The following RORA variants were observed in gnomAD, a reference collection of about 807,000 sequenced individuals.
The protein encoded by RORA is RAR related orphan receptor A.
RORA carries 7 observed loss-of-function variants against 69.5 expected under a neutral mutation model. The observed-to-expected ratio is 0.10, with a 90% CI of 0.06 to 0.19. The LOEUF is 0.19. Among genes scored for constraint, RORA ranks in the 10% least tolerant of loss-of-function variants. RORA has a pLI of 1.00. For synonymous variants in RORA, 261 were observed against 240.8 expected (o/e 1.08, Z -0.78); for missense variants, 457 against 663.0 (o/e 0.69, Z 3.41).
At chr15:61,013,328 A>C (rs1044901301) in intron 1 of RORA, among the ~76,000 whole-genome samples, 2 of 152,130 alleles carry the variant, frequency 1.3e-5, no homozygotes, top group Admixed American at 1.3e-4. Context: ...TTTGTTGCGG[A>C]GTTGTGACAG....
intron 1 of RORA, among the ~76,000 whole-genome samples, chr15:61,154,342 A>T (rs2079424236): frequency 2.0e-5 from 3 of 152,144 alleles, no homozygotes; most frequent in Admixed American, 2.0e-4. Flanking sequence ...CCATCAGCGA[A>T]CTGCTGGTAG....
At chr15:60,811,420 A>T (rs2072741320) in intron 1 of RORA, among the ~76,000 whole-genome samples, 1 of 152,182 alleles carries the variant, frequency 6.6e-6, no homozygotes, top group Non-Finnish European at 1.5e-5. Flanking sequence ...TCCAGCTCCC[A>T]AAATATTGTT....
At chr15:61,189,673 C>T (rs763685154) in intron 1 of RORA, among the ~76,000 whole-genome samples, 3 of 151,754 alleles carry the variant, frequency 2.0e-5, no homozygotes, top group South Asian at 2.1e-4. Flanking sequence ...CTGGCTAACA[C>T]GGTGAAACCC....
chr15:60,986,063 A>G (rs1894193304), intron 1 of RORA, among the ~76,000 whole-genome samples: 1 of 152,222 alleles, frequency 6.6e-6, no homozygotes, highest in African/African-American at 2.4e-5. Context: ...GTCCCACAGC[A>G]AGACATAAGT....
intron 2 of RORA, among the ~76,000 whole-genome samples, chr15:60,584,075 G>C (rs1005577891): frequency 8.5e-5 from 13 of 152,196 alleles, no homozygotes; most frequent in Non-Finnish European, 1.8e-4. Flanking sequence ...AGGACTGGAG[G>C]ACTCTGCGGT....
At chr15:60,805,865 A>G (rs2072653095) in intron 1 of RORA, among the ~76,000 whole-genome samples, 1 of 152,186 alleles carries the variant, frequency 6.6e-6, no homozygotes, top group Non-Finnish European at 1.5e-5. Context: ...TAGCTCTATA[A>G]TATGGTATCT....
intron 1 of RORA, among the ~76,000 whole-genome samples, chr15:60,784,229 G>A (rs1365298763): frequency 6.6e-6 from 1 of 152,176 alleles, no homozygotes; most frequent in African/African-American, 2.4e-5. Context: ...AAAAATAGAT[G>A]GAGTTATTTT....
chr15:60,823,021 TTTCC>T (rs947668699), intron 1 of RORA, among the ~76,000 whole-genome samples: 18 of 147,958 alleles, frequency 1.2e-4, no homozygotes, highest in Non-Finnish European at 1.9e-4. Flanking sequence ...TTCCCTCCCC[TTTCC>T]TTCCTTCCTT....
chr15:61,144,052 C>T (rs1424103433), intron 1 of RORA, among the ~76,000 whole-genome samples: 1 of 152,152 alleles, frequency 6.6e-6, no homozygotes, highest in Non-Finnish European at 1.5e-5. Flanking sequence ...AAACAGAATC[C>T]CTTCAAGTCT....
At chr15:61,042,380 T>TACACAC (rs141791344) in intron 1 of RORA, among the ~76,000 whole-genome samples, 1 of 151,288 alleles carries the variant, frequency 6.6e-6, no homozygotes, top group African/African-American at 2.4e-5. Context: ...AATGAATAAA[T>TACACAC]ACACACACAC....
chr15:61,133,638 G>A (rs548680433), intron 1 of RORA, among the ~76,000 whole-genome samples: 11 of 152,232 alleles, frequency 7.2e-5, no homozygotes, highest in East Asian at 1.9e-4. Context: ...TTGTTGGCTC[G>A]AATGGAGGTA....
chr15:60,816,788 T>G (rs1310493827), intron 1 of RORA, among the ~76,000 whole-genome samples: 2 of 151,986 alleles, frequency 1.3e-5, no homozygotes, highest in Non-Finnish European at 2.9e-5. Context: ...TCCAGCTATC[T>G]TCTTGCATTT....
At chr15:61,175,108 C>T (rs971332579) in intron 1 of RORA, among the ~76,000 whole-genome samples, 3 of 152,082 alleles carry the variant, frequency 2.0e-5, no homozygotes, top group East Asian at 1.9e-4. Context: ...TATGGCTAGC[C>T]GGAAAACACT....
At chr15:60,898,426 C>T (rs1891289331) in intron 1 of RORA, among the ~76,000 whole-genome samples, 1 of 151,792 alleles carries the variant, frequency 6.6e-6, no homozygotes, top group South Asian at 2.1e-4. Flanking sequence ...AATGCAATCC[C>T]AGAAACTCAG....
intron 1 of RORA, among the ~76,000 whole-genome samples, chr15:61,107,582 G>A (rs1464507563): frequency 1.3e-5 from 2 of 151,900 alleles, no homozygotes; most frequent in African/African-American, 2.4e-5. Flanking sequence ...AGAAAAAGTT[G>A]TCAAACAACC....
At chr15:61,071,670 G>GAA in intron 1 of RORA, among the ~76,000 whole-genome samples, 1 of 78,456 alleles carries the variant, frequency 1.3e-5, no homozygotes, top group African/African-American at 5.3e-5. Flanking sequence ...GGGGTGGGGA[G>GAA]GGGAGAGGGG....
At chr15:61,026,109 C>T (rs1405925301) in intron 1 of RORA, among the ~76,000 whole-genome samples, 1 of 152,142 alleles carries the variant, frequency 6.6e-6, no homozygotes, top group African/African-American at 2.4e-5. Context: ...CAAAATGGAG[C>T]TTTTGTAAAT....
At chr15:60,508,635 G>A (rs2065591757) in intron 5 of RORA, among the ~76,000 whole-genome samples, 1 of 152,190 alleles carries the variant, frequency 6.6e-6, no homozygotes, top group African/African-American at 2.4e-5. Flanking sequence ...CTGGCAAGTA[G>A]CAGAGCTATG....
At chr15:60,794,996 C>T (rs559944821) in intron 1 of RORA, among the ~76,000 whole-genome samples, 16 of 152,204 alleles carry the variant, frequency 1.1e-4, no homozygotes, top group African/African-American at 2.6e-4. Context: ...TGCTAAAATG[C>T]GACACCCCTT....
Sources: allele counts gnomAD v4.1 joint callset (sites outside exome capture counted in the v4.1 genomes callset), GRCh38; gene constraint gnomAD v4.1.1; transcripts MANE v1.5; gene names NCBI Gene and HGNC (gene_info 2026-07-23, HGNC 2026-07-21).